Variants in CWC27 observed in about 807,000 individuals in gnomAD.
CWC27 encodes CWC27 spliceosome associated cyclophilin.
A neutral mutation model predicts 63.6 loss-of-function variants in CWC27; 47 were observed. That is an observed-to-expected ratio of 0.74 (90% CI 0.58 to 0.94). The LOEUF (loss-of-function observed/expected upper bound fraction) is 0.94, where lower values mean the gene tolerates loss of function less well. Ranked by LOEUF, CWC27 falls within the 40% of genes least tolerant of loss-of-function variation. CWC27 has a pLI of 0.00. For synonymous variants in CWC27, 175 were observed against 179.8 expected (o/e 0.97, Z 0.22); for missense variants, 495 against 554.3 (o/e 0.89, Z 1.07).
intron 10 of CWC27, among the ~76,000 whole-genome samples, chr5:64,851,096 T>C (rs1473868543): frequency 2.6e-5 from 4 of 152,354 alleles, no homozygotes; most frequent in African/African-American, 9.6e-5. Flanking sequence ...ATGTCTACAC[T>C]ACATGTTCAT....
At chr5:64,932,906 A>C (rs1268663774) in intron 11 of CWC27, among the ~76,000 whole-genome samples, 2 of 152,184 alleles carry the variant, frequency 1.3e-5, no homozygotes, top group Non-Finnish European at 2.9e-5. Context: ...TCATCTATAC[A>C]CTGCTACTTA....
At chr5:64,996,719 C>A (rs1316533465) in intron 13 of CWC27, among the ~76,000 whole-genome samples, 2 of 152,096 alleles carry the variant, frequency 1.3e-5, no homozygotes, top group Non-Finnish European at 2.9e-5. Flanking sequence ...AAGACATTCT[C>A]TCTTGTTTGT....
rs1008424868 is a variant in CWC27, at chr5:65,018,569, T to C, written c.*248T>C. 1.0e-5 allele frequency: 3 copies of C among 287,650 alleles called. No homozygotes were observed. The highest frequency in any genetic ancestry group is 6.6e-5 in the African/African-American group (3 of 45,560). The allele number at this position is 287,650 out of a possible 1,614,324, so 17.8% of individuals were successfully genotyped here. ...TGCTAAATCTGAAATAAAATAACTT[T>C]CCTTCCACATTACATGTTAACCATT... On this transcript the variant is annotated 3_prime_UTR_variant, in exon 14 of 14. Coordinates refer to ENST00000381070, the MANE Select transcript of CWC27 (RefSeq NM_005869.4).
At chr5:64,865,680 G>T (rs1021917351) in intron 10 of CWC27, among the ~76,000 whole-genome samples, 1 of 151,898 alleles carries the variant, frequency 6.6e-6, no homozygotes, top group African/African-American at 2.4e-5. Context: ...TAAATCTCTC[G>T]ATTTTTTACT....
chr5:64,861,342 AT>A (rs1746408027), intron 10 of CWC27, among the ~76,000 whole-genome samples: 3 of 151,848 alleles, frequency 2.0e-5, no homozygotes. Flanking sequence ...AGATATATAT[AT>A]ATATAAAACC....
intron 13 of CWC27, among the ~76,000 whole-genome samples, chr5:65,001,098 A>G (rs1340525275): frequency 2.0e-5 from 3 of 151,670 alleles, no homozygotes; most frequent in Non-Finnish European, 4.4e-5. Context: ...GAATGAGATT[A>G]CTTTCTTGAT....
At chr5:64,797,635 C>A (rs988068303) in intron 7 of CWC27, among the ~76,000 whole-genome samples, 1 of 152,022 alleles carries the variant, frequency 6.6e-6, no homozygotes, top group African/African-American at 2.4e-5. Flanking sequence ...TAAACAAGAA[C>A]CTTTTTAAAA....
At chr5:64,970,395 G>A (rs946421334) in intron 11 of CWC27, among the ~76,000 whole-genome samples, 43 of 151,928 alleles carry the variant, frequency 2.8e-4, no homozygotes, top group African/African-American at 1.0e-3. Flanking sequence ...TGTATTTTTA[G>A]TAGAGATGGG....
chr5:64,783,669 A>G (rs1287749582), intron 3 of CWC27, among the ~76,000 whole-genome samples, 167 bp from the exon 4 acceptor site: 2 of 152,244 alleles, frequency 1.3e-5, no homozygotes, highest in Non-Finnish European at 2.9e-5. Flanking sequence ...AGTCTAGTGA[A>G]TTCAAGTTTA....
At chr5:64,809,522 C>G (rs1580627542) in intron 10 of CWC27, among the ~76,000 whole-genome samples, 1 of 152,126 alleles carries the variant, frequency 6.6e-6, no homozygotes, top group Non-Finnish European at 1.5e-5. Flanking sequence ...AGCGTGCCAC[C>G]ACGCCAGGCT....
rs1329618161 is a variant in CWC27, at chr5:64,935,056, C to G, written c.1043-36647C>G. Among the ~76,000 whole-genome samples the G allele has an allele frequency of 2.0e-5, 3 of 152,148 alleles. No individual in the cohort carries two copies. The South Asian group carries it at 6.2e-4, about 31-fold the overall frequency. ...AATTCTCTCCCATTCTGTAGGTTGC[C>G]TGTTCACTCTGATGGTAGTTTCTTT... On this transcript the variant is annotated intron_variant, in intron 11 of 13. Coordinates refer to ENST00000381070, the MANE Select transcript of CWC27 (RefSeq NM_005869.4).
At chr5:64,919,512 C>G (rs1450227255) in intron 11 of CWC27, among the ~76,000 whole-genome samples, 2 of 152,154 alleles carry the variant, frequency 1.3e-5, no homozygotes, top group Non-Finnish European at 2.9e-5. Flanking sequence ...TCATCCTACT[C>G]CCCACCTCCA....
At position 64,969,718 on chromosome 5, in the gene CWC27, T is replaced by A. The variant is rs553354211; in HGVS notation, c.1043-1985T>A. On this transcript the variant is annotated intron_variant, in intron 11 of 13. Transcript: ENST00000381070. ...CTCAAGGAGTTAATGTCTAGTGAGT[T>A]TAAAGAAGAGTAAACAGGAAATCGC... Among the ~76,000 whole-genome samples the A allele has an allele frequency of 3.3e-5, 5 of 152,110 alleles. No individual in the cohort carries two copies. The South Asian group carries it at 1.0e-3, about 32-fold the overall frequency.
intron 10 of CWC27, among the ~76,000 whole-genome samples, chr5:64,859,839 A>T (rs1561437543): frequency 1.3e-5 from 2 of 151,992 alleles, no homozygotes; most frequent in African/African-American, 4.8e-5. Context: ...CTGTATGTTC[A>T]TTTTTTTCAT....
chr5:64,998,674 C>G (rs1178442439), intron 13 of CWC27, among the ~76,000 whole-genome samples: 1 of 152,024 alleles, frequency 6.6e-6, no homozygotes, highest in African/African-American at 2.4e-5. Flanking sequence ...GGAGATTTTT[C>G]CATGATAGTG....
chr5:65,006,873 T>A (rs145181529), intron 13 of CWC27, among the ~76,000 whole-genome samples: 3 of 151,704 alleles, frequency 2.0e-5, no homozygotes, highest in Admixed American at 2.0e-4. Context: ...TGAAATAACA[T>A]GTACAATAAA....
At chr5:64,821,231 C>A (rs1318764267) in intron 10 of CWC27, among the ~76,000 whole-genome samples, 1 of 151,822 alleles carries the variant, frequency 6.6e-6, no homozygotes, top group African/African-American at 2.4e-5. Flanking sequence ...ATTACAGGCA[C>A]GTGCCACCAC....
intron 7 of CWC27, among the ~76,000 whole-genome samples, chr5:64,792,536 C>T (rs1430578192): frequency 6.6e-6 from 1 of 152,082 alleles, no homozygotes; most frequent in Non-Finnish European, 1.5e-5. Flanking sequence ...TTTTAAAAAT[C>T]TTTTTTTTCT....
chr5:64,877,098 G>A (rs1440096615), intron 10 of CWC27, among the ~76,000 whole-genome samples: 1 of 151,936 alleles, frequency 6.6e-6, no homozygotes, highest in African/African-American at 2.4e-5. Flanking sequence ...TTATATCAAA[G>A]GGATACCTAT....
Sources: allele counts gnomAD v4.1 joint callset (sites outside exome capture counted in the v4.1 genomes callset), GRCh38; gene constraint gnomAD v4.1.1; transcripts MANE v1.5; gene names NCBI Gene and HGNC (gene_info 2026-07-23, HGNC 2026-07-21).